SRPRB: variants seen among roughly 807,000 people sequenced by gnomAD.
SRPRB encodes signal recognition particle receptor subunit beta.
A neutral mutation model predicts 31.9 loss-of-function variants in SRPRB; 20 were observed. The ratio of observed to expected loss-of-function variants is 0.63; its 90% CI spans 0.44 to 0.91. The LOEUF (loss-of-function observed/expected upper bound fraction) is 0.91. Ranked by LOEUF, SRPRB falls within the 40% of genes least tolerant of loss-of-function variation. The pLI, the probability that SRPRB is intolerant of heterozygous loss-of-function variation, is 0.00. For synonymous variants in SRPRB, 146 were observed against 132.8 expected (o/e 1.10, Z -0.68); for missense variants, 321 against 324.9 (o/e 0.99, Z 0.09).
At chr3:133,825,783 A>C (rs1436985487), downstream of SRPRB, 1 of 152,226 alleles carries the variant, frequency 6.6e-6, no homozygotes, top group African/African-American at 2.4e-5. Context: ...GAAGGCCAAG[A>C]GGATCCTGCT....
Position 133,820,480 on chromosome 3 carries a change from G to A in SRPRB, c.*714G>A, listed in dbSNP as rs1384125202. The A allele has an allele frequency of 6.6e-6, 1 of 152,310 alleles. No homozygotes were observed. Among genetic ancestry groups the A allele is most frequent in the Non-Finnish European group, 1.5e-5 (1 of 68,118 alleles). The allele number at this position is 152,310 out of a possible 1,614,324, so 9.4% of individuals were successfully genotyped here. ...GTGTTCTTAGTGGTTATACTGGGAA[G>A]TGTGTGGAGATTTAGGTGCTGCTCT... On this transcript the variant is annotated 3_prime_UTR_variant, in exon 7 of 7. Transcript: ENST00000678299.
chr3:133,827,968 T>A, downstream of SRPRB: 1 of 702,926 alleles, frequency 1.4e-6, no homozygotes, highest in East Asian at 2.7e-5. Context: ...ACCACGCAGC[T>A]GCAATTGCCA....
upstream of SRPRB, among the ~76,000 whole-genome samples, chr3:133,805,350 C>T (rs546716721): frequency 6.6e-6 from 1 of 152,296 alleles, no homozygotes; most frequent in East Asian, 1.9e-4. Flanking sequence ...GACTCAATTC[C>T]AATGTCCAGA....
At chr3:133,808,838 C>A in intron 3 of SRPRB, among the ~76,000 whole-genome samples, 2 of 138,506 alleles carry the variant, frequency 1.4e-5, no homozygotes, top group Non-Finnish European at 1.5e-5. Flanking sequence ...GGCAGTGAGC[C>A]AAGATTGCGC....
chr3:133,825,060 G>A (rs1935536197), downstream of SRPRB: 2 of 152,082 alleles, frequency 1.3e-5, no homozygotes, highest in Non-Finnish European at 1.5e-5. Flanking sequence ...AGGCAGTTCG[G>A]AAACGAGTGT....
At chr3:133,813,723 G>C (rs151130078) in intron 4 of SRPRB, among the ~76,000 whole-genome samples, 9 of 152,188 alleles carry the variant, frequency 5.9e-5, no homozygotes, top group African/African-American at 1.7e-4. Context: ...ATTTTATTCT[G>C]TGCCTTGTAA....
chr3:133,814,953 C>A (rs1045546189), intron 4 of SRPRB, among the ~76,000 whole-genome samples: 12 of 152,234 alleles, frequency 7.9e-5, no homozygotes, highest in Non-Finnish European at 1.6e-4. Context: ...CTCCACAGGT[C>A]ATTGTGTCAC....
intron 4 of SRPRB, among the ~76,000 whole-genome samples, chr3:133,812,278 T>C (rs1263695420): frequency 6.6e-6 from 1 of 152,226 alleles, no homozygotes; most frequent in Non-Finnish European, 1.5e-5. Context: ...AATTTCATTA[T>C]TGCATCTTTG....
intron 3 of SRPRB, among the ~76,000 whole-genome samples, chr3:133,809,964 A>G (rs1371042455): frequency 1.3e-5 from 2 of 152,112 alleles, no homozygotes; most frequent in African/African-American, 4.8e-5. Context: ...CAATATTTCT[A>G]CTGAATATAT....
upstream of SRPRB, among the ~76,000 whole-genome samples, chr3:133,801,530 TCAC>T (rs1935062071): frequency 6.6e-6 from 1 of 152,176 alleles, no homozygotes. Flanking sequence ...TTTCCCAACT[TCAC>T]CACCACGGCA....
At chr3:133,826,053 CAG>C (rs1935557112), downstream of SRPRB, 1 of 152,288 alleles carries the variant, frequency 6.6e-6, no homozygotes, top group East Asian at 1.9e-4. Context: ...AGACAAAAAT[CAG>C]GGAACCAACA....
At chr3:133,784,200 T>C (rs1430644817) in intron 1 of SRPRB, 1 of 152,252 alleles carries the variant, frequency 6.6e-6, no homozygotes, top group East Asian at 1.9e-4. Flanking sequence ...GCCCAGCTCG[T>C]CTTCCTTCTA....
intron 1 of SRPRB, chr3:133,790,293 T>G (rs1422219235): frequency 2.0e-5 from 3 of 152,212 alleles, no homozygotes; most frequent in African/African-American, 7.2e-5. Flanking sequence ...ATCTGATAGT[T>G]CAGGATTTCT....
At chr3:133,796,271 G>C (rs965579818) in intron 1 of SRPRB, 9 of 152,640 alleles carry the variant, frequency 5.9e-5, no homozygotes, top group Admixed American at 1.3e-4. Flanking sequence ...AATAGGTAGG[G>C]ACTAGGCCTC....
downstream of SRPRB, among the ~76,000 whole-genome samples, chr3:133,823,670 A>G (rs990492283): frequency 6.6e-6 from 1 of 152,150 alleles, no homozygotes; most frequent in Non-Finnish European, 1.5e-5. Context: ...TGGTCCCAGG[A>G]CTGTGCTGGC....
intron 2 of SRPRB, 84 bp from the exon 3 acceptor site, chr3:133,807,662 A>G: frequency 1.1e-6 from 1 of 918,018 alleles, no homozygotes; most frequent in Non-Finnish European, 1.8e-6. Flanking sequence ...ACTTAACCTT[A>G]CACCTGGGAG....
upstream of SRPRB, chr3:133,805,684 A>C: frequency 1.3e-6 from 1 of 755,936 alleles, no homozygotes; most frequent in African/African-American, 1.8e-5. Flanking sequence ...AGGAGGACGG[A>C]GTCCCAGAGA....
rs1935267009 is a variant in SRPRB, at chr3:133,811,767, A to G, written c.410+568A>G. Among the ~76,000 whole-genome samples the G allele has an allele frequency of 2.0e-5, 3 of 152,068 alleles. No individual in the cohort carries two copies. In the South Asian group the frequency reaches 6.2e-4, roughly 32 times the overall value. On this transcript the variant is annotated intron_variant, in intron 4 of 6. Coordinates refer to ENST00000678299, the MANE Select transcript of SRPRB (RefSeq NM_001379313.1). ...CCTGCTAATTTTTCATAATTTTAGT[A>G]GAGATGGGGTTTCACCATGTTGGCC... is the stretch of plus-strand genomic sequence containing the variant.
At chr3:133,804,926 C>T (rs1464719391), upstream of SRPRB, among the ~76,000 whole-genome samples, 1 of 152,188 alleles carries the variant, frequency 6.6e-6, no homozygotes, top group Non-Finnish European at 1.5e-5. Context: ...CTGGGACCCT[C>T]TAGGCTGGCC....
Sources: gnomAD v4.1 joint callset for allele counts (sites outside exome capture counted in the v4.1 genomes callset) on GRCh38, gnomAD v4.1.1 for gene constraint, MANE v1.5 for transcripts, NCBI Gene and HGNC (gene_info 2026-07-23, HGNC 2026-07-21) for gene names.